Variants in VWF observed in about 807,000 individuals in gnomAD.
VWF encodes Factor VIII related antigen.
Under a neutral mutation model 308.6 loss-of-function variants are expected in VWF, and 176 were observed. The observed-to-expected ratio is 0.57, with a 90% CI of 0.50 to 0.65. The LOEUF (loss-of-function observed/expected upper bound fraction) is 0.65, where lower values mean the gene tolerates loss of function less well. Ranked by LOEUF, VWF falls within the 30% of genes least tolerant of loss-of-function variation. The pLI is 0.00. For missense variants in VWF, 3,146 were observed against 3,648.2 expected, an observed-to-expected ratio of 0.86 and a Z score of 3.55; for synonymous variants, 1,385 against 1,443.4, an observed-to-expected ratio of 0.96 and a Z score of 0.92.
intron 34 of VWF, among the ~76,000 whole-genome samples, chr12:5,997,585 G>A (rs1377210027): frequency 6.6e-6 from 1 of 152,134 alleles, no homozygotes; most frequent in Non-Finnish European, 1.5e-5. Flanking sequence ...ATACCTTTTA[G>A]TATTCTTGTG....
At chr12:6,092,226 T>C (rs761091124) in intron 6 of VWF, among the ~76,000 whole-genome samples, 17 of 152,162 alleles carry the variant, frequency 1.1e-4, no homozygotes, top group Non-Finnish European at 2.2e-4. Context: ...CTGGCCATGA[T>C]AGGATGGGAG....
chr12:6,024,203 A>G lies in VWF; in HGVS notation c.3223-416T>C, dbSNP rs747092204. Among the ~76,000 whole-genome samples the G allele has an allele frequency of 5.9e-5, 9 of 152,224 alleles. No homozygotes were observed. Among genetic ancestry groups the G allele is most frequent in the Non-Finnish European group, 8.8e-5 (6 of 68,042 alleles). On this transcript the variant is annotated intron_variant, in intron 24 of 51. Transcript: ENST00000261405. The surrounding 1 kb of genome is among the most constrained non-coding windows in gnomAD (Gnocchi z 4.0). ...TGTCTTTCTTTGCCTCAATTCAGCA[A>G]AGAGAATGGGGAAATACATCAGGCC... is the stretch of plus-strand genomic sequence containing the variant.
At chr12:5,962,994 C>G (rs1447848269) in intron 47 of VWF, among the ~76,000 whole-genome samples, 3 of 152,090 alleles carry the variant, frequency 2.0e-5, no homozygotes, top group Non-Finnish European at 4.4e-5. Context: ...GGATCATAGA[C>G]CTAAAAGTAA....
chr12:6,101,827 C>T (rs189344193), intron 5 of VWF, among the ~76,000 whole-genome samples: 166 of 151,970 alleles, frequency 1.1e-3, no homozygotes, highest in Non-Finnish European at 2.1e-3. Context: ...ATATTTCTCA[C>T]AGTTCCCAAA....
intron 24 of VWF, among the ~76,000 whole-genome samples, chr12:6,025,158 C>A (rs1453367772): frequency 6.6e-6 from 1 of 152,140 alleles, no homozygotes; most frequent in Non-Finnish European, 1.5e-5. Flanking sequence ...AAAAGAATTT[C>A]TGTGAGACAA....
At chr12:6,032,491 A>C (rs1419175033) in intron 20 of VWF, among the ~76,000 whole-genome samples, 2 of 151,056 alleles carry the variant, frequency 1.3e-5, no homozygotes, top group African/African-American at 2.4e-5. Flanking sequence ...ACAAAAAATT[A>C]GCCGGGCGTG....
chr12:6,063,583 C>T lies in VWF; in HGVS notation c.1433-529G>A, dbSNP rs1006751109. On this transcript the variant is annotated intron_variant, in intron 12 of 51. Transcript: ENST00000261405. The surrounding 1 kb of genome is among the most constrained non-coding windows in gnomAD (Gnocchi z 4.9). ...AGACACACAGCATAACACCCATGGA[C>T]GTGCTGGGTACCCACTAGCCCAAGT... Among the ~76,000 whole-genome samples, 5 of 152,140 alleles carry T rather than the reference C, an allele frequency of 3.3e-5. No homozygotes were observed.
intron 13 of VWF, among the ~76,000 whole-genome samples, chr12:6,059,848 TCTC>T (rs762212003): frequency 2.0e-4 from 30 of 152,312 alleles, no homozygotes; most frequent in Admixed American, 1.0e-3. Context: ...ATGACTAGGT[TCTC>T]CTCCTGATGT....
chr12:6,090,148 G>A (rs1474450846), intron 6 of VWF, among the ~76,000 whole-genome samples: 2 of 151,918 alleles, frequency 1.3e-5, no homozygotes, highest in South Asian at 2.1e-4. Flanking sequence ...TAGTAGAGAC[G>A]GGGTTTCACC....
intron 48 of VWF, among the ~76,000 whole-genome samples, chr12:5,952,817 G>A (rs140969424): frequency 1.2e-3 from 187 of 152,294 alleles, no homozygotes; most frequent in African/African-American, 4.4e-3. Context: ...AGAGATGAAC[G>A]AAGGGAACTA....
At chr12:6,054,233 G>A (rs1259432481) in intron 15 of VWF, among the ~76,000 whole-genome samples, 7 of 152,212 alleles carry the variant, frequency 4.6e-5, no homozygotes, top group African/African-American at 1.7e-4. Flanking sequence ...TGAACTTGGT[G>A]TTTGAAGGTA....
chr12:5,988,336 G>A (rs7964010), intron 38 of VWF, among the ~76,000 whole-genome samples: 8,289 of 152,190 alleles, frequency 0.054, 774 homozygotes, highest in African/African-American at 0.19. Flanking sequence ...AAGACACAGC[G>A]GCTGCCACTC....
At position 6,057,001 on chromosome 12, in the gene VWF, G is replaced by A; in HGVS notation, c.1801C>T (p.Pro601Ser). 1 of 1,548,092 alleles carries A rather than the reference G, an allele frequency of 6.5e-7. No homozygotes were observed. Among genetic ancestry groups the A allele is most frequent in the Non-Finnish European group, 8.7e-7 (1 of 1,151,726 alleles). Residue 601 changes from proline to serine, a missense_variant, in exon 15 of 52, where the codon CCG becomes TCG. By Grantham distance (74) the Pro-to-Ser change is moderately conservative. Coordinates refer to ENST00000261405, the MANE Select transcript of VWF (RefSeq NM_000552.5). ...CGGCAGTTCCGCAGGTAGGGCAGCG[G>A]GCTGACGGCACGATGGCAGGCCTCG... is the stretch of plus-strand genomic sequence containing the variant. ...TFEACHRAVS[P>S]LPYLRNCRYD...
chr12:6,083,739 G>A (rs2136484397), intron 6 of VWF, among the ~76,000 whole-genome samples: 1 of 152,298 alleles, frequency 6.6e-6, no homozygotes, highest in African/African-American at 2.4e-5. Context: ...AGAGCTGCTA[G>A]GAATAAGATT....
rs774790905 is a variant in VWF at position 6,021,966 on chromosome 12, C to T, written c.3608G>A (p.Gly1203Asp). The change falls in exon 27 of 52, where the codon GGC becomes GAC. Residue 1203 changes from glycine to aspartate, a missense_variant. Coordinates refer to ENST00000261405, the MANE Select transcript of VWF (RefSeq NM_000552.5). ...PEDCPVCEVAGRRFASGKKVT... is the reference protein window; with the variant it reads ...PEDCPVCEVADRRFASGKKVT... Reference sequence around the variant, plus strand: ...TTTCTTTCCTGAGGCAAAACGCCGGCCAGCCACCTCACACACTGGACAGTC... The same window carrying T: ...TTTCTTTCCTGAGGCAAAACGCCGGTCAGCCACCTCACACACTGGACAGTC... 6.2e-7 allele frequency: 1 copy of T among 1,614,154 alleles called. No individual in the cohort carries two copies. Among genetic ancestry groups the T allele is most frequent in the East Asian group, 2.2e-5 (1 of 44,874 alleles).
intron 41 of VWF, 43 bp from the exon 42 acceptor site, chr12:5,982,034 G>C: frequency 5.6e-6 from 9 of 1,593,422 alleles, no homozygotes; most frequent in Non-Finnish European, 7.7e-6. Flanking sequence ...CGCCCAGCCA[G>C]GGCTCGTAAG....
intron 17 of VWF, among the ~76,000 whole-genome samples, chr12:6,045,181 G>A (rs1392085081): frequency 1.3e-5 from 2 of 152,184 alleles, no homozygotes; most frequent in Admixed American, 1.3e-4. Flanking sequence ...AGGTATCAAT[G>A]GCTAATTGGG....
chr12:5,966,263 G>T (rs527405632), intron 47 of VWF, among the ~76,000 whole-genome samples: 4 of 130,014 alleles, frequency 3.1e-5, no homozygotes. Flanking sequence ...GTTCTAGGAG[G>T]GTTGTTACAC....
chr12:5,982,867 T>C lies in VWF; in HGVS notation c.7081+283A>G, dbSNP rs572268563. On this transcript the variant is annotated intron_variant, in intron 41 of 51. Coordinates refer to ENST00000261405, the MANE Select transcript of VWF (RefSeq NM_000552.5). ...AGGATGGGCAGAAATAAAGATTAGA[T>C]TCGGAGGCCTCCTCATCTCAGCCCC... 1.3e-3 allele frequency among the ~76,000 whole-genome samples: 197 copies of C among 152,178 alleles called. 3 individuals carry two copies. The highest frequency in any genetic ancestry group is 4.4e-3 in the African/African-American group (181 of 41,532).
Sources: gnomAD v4.1 joint callset for allele counts (sites outside exome capture counted in the v4.1 genomes callset) on GRCh38, gnomAD v4.1.1 for gene constraint, Gnocchi (gnomAD v3.1) non-coding constraint, MANE v1.5 for transcripts, NCBI Gene and HGNC (gene_info 2026-07-23, HGNC 2026-07-21) for gene names.